PAPLN: variants seen among roughly 807,000 people sequenced by gnomAD.
PAPLN encodes papilin, proteoglycan like sulfated glycoprotein, also known as papilin.
Under a neutral mutation model 159.0 loss-of-function variants are expected in PAPLN, and 146 were observed. The ratio of observed to expected loss-of-function variants is 0.92; its 90% CI spans 0.80 to 1.05. The LOEUF (loss-of-function observed/expected upper bound fraction) is 1.05, where lower values mean the gene tolerates loss of function less well. Among genes scored for constraint, PAPLN ranks in the 50% least tolerant of loss-of-function variants. PAPLN has a pLI of 0.00. For synonymous variants in PAPLN, 734 were observed against 702.9 expected, an observed-to-expected ratio of 1.04 and a Z score of -0.70; for missense variants, 1,720 against 1,743.9, an observed-to-expected ratio of 0.99 and a Z score of 0.24.
rs57126237 is a variant in PAPLN at position 73,258,618 on chromosome 14, TA to T, written c.1628-341del. 6.7e-3 allele frequency among the ~76,000 whole-genome samples: 510 copies of T among 75,758 alleles called. 7 individuals carry two copies. Among genetic ancestry groups the T allele is most frequent in the African/African-American group, 0.017 (320 of 18,974 alleles). 49.7% of individuals were successfully genotyped at this position (75,758 alleles called of 152,430 possible). On this transcript the variant is annotated intron_variant, in intron 14 of 26. Transcript: ENST00000644200. Reference sequence around the variant, plus strand: ...GGGCAATATAGAAAGACCCTATCTCTAAAAAAAAAAAAAAAAAAAAGTAGTC... The same window carrying T: ...GGGCAATATAGAAAGACCCTATCTCTAAAAAAAAAAAAAAAAAAAGTAGTC...
chr14:73,266,002 G>GT (rs1566707781), intron 23 of PAPLN, among the ~76,000 whole-genome samples: 1 of 152,162 alleles, frequency 6.6e-6, no homozygotes, highest in East Asian at 1.9e-4. Context: ...CCGAAATTTT[G>GT]TATCAGAAAA....
chr14:73,264,733 A>T lies in PAPLN; in HGVS notation c.3125+7A>T. 6.2e-7 allele frequency: 1 copy of T among 1,612,248 alleles called. No homozygotes were observed. Among genetic ancestry groups the T allele is most frequent in the African/African-American group, 1.3e-5 (1 of 74,948 alleles). Reference sequence around the variant, plus strand: ...ACCCACAGCCTGCAAACAGGTAAGAACTCAGCAATGCCATCTTGCCCTCCC... The same window carrying T: ...ACCCACAGCCTGCAAACAGGTAAGATCTCAGCAATGCCATCTTGCCCTCCC... On this transcript the variant is annotated splice_region_variant and intron_variant, in intron 22 of 26. Coordinates refer to ENST00000644200, the MANE Select transcript of PAPLN (RefSeq NM_001365906.3).
Position 73,244,722 on chromosome 14 carries a change from G to A in PAPLN, c.133G>A (p.Gly45Ser). The change falls in exon 3 of 27, where the codon GGT becomes AGT. Residue 45 changes from glycine (G) to serine (S), a missense_variant. Coordinates refer to ENST00000644200, the MANE Select transcript of PAPLN (RefSeq NM_001365906.3). The part of the protein sequence containing the change: ...WSPCSRTCGG[G>S]VSFRERPCYS... ...CCCCTGCAGCCGGACCTGTGGAGGG[G>A]GTGTCAGCTTCCGGGAGCGCCCCTG... 6.3e-7 allele frequency: 1 copy of A among 1,592,832 alleles called. No homozygotes were observed. Among genetic ancestry groups the A allele is most frequent in the Admixed American group, 1.8e-5 (1 of 56,854 alleles).
chr14:73,262,991 G>A, intron 19 of PAPLN, 164 bp downstream of exon 19: 1 of 564,292 alleles, frequency 1.8e-6, no homozygotes, highest in Non-Finnish European at 2.8e-6. Flanking sequence ...TTCTACAGAT[G>A]GAGAAGCTGG....
At chr14:73,263,466 G>A (rs1005272972) in intron 19 of PAPLN, 179 bp from the exon 20 acceptor site, 13 of 732,430 alleles carry the variant, frequency 1.8e-5, no homozygotes, top group Non-Finnish European at 2.5e-5. Context: ...GCAGGTTGGG[G>A]AGGGTAGATT....
chr14:73,252,589 G>T, intron 10 of PAPLN, 60 bp from the exon 11 acceptor site: 1 of 1,579,344 alleles, frequency 6.3e-7, no homozygotes. Flanking sequence ...GCCTGGCCCA[G>T]GGAACGCGCT....
intron 26 of PAPLN, 98 bp from the exon 27 acceptor site, chr14:73,272,394 TATA>T: frequency 8.4e-7 from 1 of 1,188,414 alleles, no homozygotes; most frequent in Non-Finnish European, 1.2e-6. Flanking sequence ...ATCTGGCAGT[TATA>T]ATGCTGTGTT....
chr14:73,264,226 C>G lies in PAPLN; in HGVS notation c.2877C>G (p.Phe959Leu), dbSNP rs369723468. ...CCCCACTCAGGCACAGGCTGCAGTT[C>G]GACGGATCCCTGATCATCCACCCCC... ...PISSDRHRLQ[F>L]DGSLIIHPLQ... Residue 959 changes from phenylalanine (F) to leucine (L), a missense_variant, in exon 21 of 27, where the codon TTC (phenylalanine) becomes TTG (leucine). Transcript: ENST00000644200. 1 of 1,613,846 alleles carries G rather than the reference C, an allele frequency of 6.2e-7. No individual in the cohort carries two copies.
rs994684127 is a variant in PAPLN, at chr14:73,260,595, C to T, written c.1986-114C>T. Reference sequence around the variant, plus strand: ...GCACACGGGGACACGTCCTCTCCCCCCCAGGTCCCCACCCTGTCAGCCCCC... The same window carrying T: ...GCACACGGGGACACGTCCTCTCCCCTCCAGGTCCCCACCCTGTCAGCCCCC... On this transcript the variant is annotated intron_variant, in intron 16 of 26. Transcript: ENST00000644200. 7.6e-6 allele frequency: 10 copies of T among 1,313,876 alleles called. No individual in the cohort carries two copies. The Admixed American group carries it at 8.9e-5, about 12-fold the overall frequency. 81.4% of individuals were successfully genotyped at this position (1,313,876 alleles called of 1,614,324 possible).
chr14:73,260,666 G>C, intron 16 of PAPLN, 43 bp from the exon 17 acceptor site: 2 of 1,406,370 alleles, frequency 1.4e-6, no homozygotes, highest in Middle Eastern at 2.7e-4. Context: ...CAGGGAGCGT[G>C]GGGGCAGGCT....
At chr14:73,255,245 CT>C (rs1178494093) in intron 14 of PAPLN, among the ~76,000 whole-genome samples, 1 of 152,234 alleles carries the variant, frequency 6.6e-6, no homozygotes, top group African/African-American at 2.4e-5. Flanking sequence ...TAGCATGCCC[CT>C]GCCCCTCTGG....
In PAPLN at chr14:73,268,538, A is replaced by G. The variant is rs747964272; in HGVS notation, c.3501-19A>G. 1.9e-6 allele frequency: 3 copies of G among 1,604,302 alleles called. No homozygotes were observed. The highest frequency in any genetic ancestry group is 2.6e-6 in the Non-Finnish European group (3 of 1,174,824). ...TCCAGAGGCCCTTGATGGCTCTCCC[A>G]GTGTCCTCTCTCCTCCAGGAACGGG... On this transcript the variant is annotated intron_variant, in intron 25 of 26. Coordinates refer to ENST00000644200, the MANE Select transcript of PAPLN (RefSeq NM_001365906.3).
Position 73,237,966 on chromosome 14 carries a change from G to A in PAPLN, c.-7+374G>A, listed in dbSNP as rs1024632407. ...GAGGTGCCACTGGGCCGCGGGCCTGGAGCGTCCGGGAGCCCCAGCGGCTGC... is the reference window on the plus strand; with the variant it reads ...GAGGTGCCACTGGGCCGCGGGCCTGAAGCGTCCGGGAGCCCCAGCGGCTGC... On this transcript the variant is annotated intron_variant, in intron 1 of 26. Transcript: ENST00000644200. Among the ~76,000 whole-genome samples the A allele has an allele frequency of 5.3e-5, 8 of 152,250 alleles. No individual in the cohort carries two copies. In the South Asian group the frequency reaches 1.7e-3, roughly 32 times the overall value.
Position 73,260,764 on chromosome 14 carries a change from T to G in PAPLN, c.2041T>G (p.Cys681Gly). ...CGCTGAGGGGCCCCATCACGCTGGC[T>G]GCACAAAGTCGTATGGTGGTGACAG... is the stretch of plus-strand genomic sequence containing the variant. The part of the protein sequence containing the change: ...SVAEGPHHAG[C>G]TKSYGGDSTG... Residue 681 changes from cysteine (C) to glycine (G), a missense_variant, in exon 17 of 27, where the codon TGC becomes GGC. Physicochemically the swap from Cys to Gly is radical, Grantham distance 159. Coordinates refer to ENST00000644200, the MANE Select transcript of PAPLN (RefSeq NM_001365906.3). The G allele has an allele frequency of 6.8e-7, 1 of 1,478,778 alleles. No homozygotes were observed. The highest frequency in any genetic ancestry group is 8.9e-7 in the Non-Finnish European group (1 of 1,117,904). The allele number at this position is 1,478,778 out of a possible 1,614,324, so 91.6% of individuals were successfully genotyped here. A position where few individuals can be genotyped will look rare whatever the true frequency, so the allele number is the denominator to read the frequency against.
intron 5 of PAPLN, among the ~76,000 whole-genome samples, chr14:73,247,945 C>A (rs868669118): frequency 3.2e-5 from 2 of 63,186 alleles, no homozygotes; most frequent in African/African-American, 1.4e-4. Flanking sequence ...TTGTGGGGAC[C>A]GTGGCTGTGG....
chr14:73,264,186 T>C (rs1446094190), intron 20 of PAPLN, 25 bp from the exon 21 acceptor site: 1 of 1,612,530 alleles, frequency 6.2e-7, no homozygotes, highest in East Asian at 2.2e-5. Context: ...CCAGAGCTCA[T>C]GTCCTCCCAC....
chr14:73,253,993 T>C, intron 12 of PAPLN, 32 bp downstream of exon 12: 1 of 1,585,650 alleles, frequency 6.3e-7, no homozygotes. Flanking sequence ...GGGCTGGTGC[T>C]GGACCTGGGT....
chr14:73,263,861 C>T, intron 20 of PAPLN, 79 bp downstream of exon 20: 6 of 1,461,366 alleles, frequency 4.1e-6, no homozygotes, highest in Non-Finnish European at 5.5e-6. Flanking sequence ...GTGACAGCTC[C>T]CCCACCTCCT....
At chr14:73,239,713 C>T (rs111760957) in intron 1 of PAPLN, 60 bp from the exon 2 acceptor site, 1 of 1,534,048 alleles carries the variant, frequency 6.5e-7, no homozygotes, top group Non-Finnish European at 8.7e-7. Flanking sequence ...CACACTCTCG[C>T]CCGCGCCCAG....
Sources: gnomAD v4.1 joint callset for allele counts (sites outside exome capture counted in the v4.1 genomes callset) on GRCh38, gnomAD v4.1.1 for gene constraint, MANE v1.5 for transcripts, NCBI Gene and HGNC (gene_info 2026-07-23, HGNC 2026-07-21) for gene names.